MTMR4: variants seen among roughly 807,000 people sequenced by gnomAD.
The protein encoded by MTMR4 is phosphatidylinositol-3,5-bisphosphate 3-phosphatase MTMR4.
A neutral mutation model predicts 125.5 loss-of-function variants in MTMR4; 30 were observed. The ratio of observed to expected loss-of-function variants is 0.24; its 90% CI spans 0.18 to 0.32. The LOEUF (loss-of-function observed/expected upper bound fraction) is 0.32, where lower values mean the gene tolerates loss of function less well. MTMR4 is among the 10% of genes least tolerant of loss of function. MTMR4 has a pLI of 1.00. For missense variants in MTMR4, 1,039 were observed against 1,511.5 expected, an observed-to-expected ratio of 0.69 and a Z score of 5.18; for synonymous variants, 498 against 564.5, an observed-to-expected ratio of 0.88 and a Z score of 1.67.
At chr17:58,493,723 A>G (rs548035143) in intron 15 of MTMR4, among the ~76,000 whole-genome samples, 1 of 152,100 alleles carries the variant, frequency 6.6e-6, no homozygotes, top group Admixed American at 6.5e-5. Context: ...AAAACCTAAA[A>G]TAGTTATTAT....
rs955954489 is a variant in MTMR4 at position 58,512,589 on chromosome 17, C to G, written c.136-83G>C. On this transcript the variant is annotated intron_variant, in intron 2 of 17. Transcript: ENST00000682306. The surrounding 1 kb of genome is among the most constrained non-coding windows in gnomAD (Gnocchi z 4.1). Reference sequence around the variant, plus strand: ...TACAGCCCCTGATCTGTGGGATCCCCTCTGGAAAAGGTGGGCCAAGGCAAG... The same window carrying G: ...TACAGCCCCTGATCTGTGGGATCCCGTCTGGAAAAGGTGGGCCAAGGCAAG... The G allele has an allele frequency of 8.2e-7, 1 of 1,214,578 alleles. No individual in the cohort carries two copies. Among genetic ancestry groups the G allele is most frequent in the Non-Finnish European group, 1.2e-6 (1 of 828,174 alleles). 75.2% of individuals were successfully genotyped at this position (1,214,578 alleles called of 1,614,324 possible).
intron 14 of MTMR4, 75 bp from the exon 15 acceptor site, chr17:58,496,405 G>A (rs1393927889): frequency 8.1e-7 from 1 of 1,237,118 alleles, no homozygotes; most frequent in African/African-American, 1.5e-5. Flanking sequence ...TGAATCAATG[G>A]AGCAATATCA....
chr17:58,504,063 G>C lies in MTMR4; in HGVS notation c.1685C>G (p.Pro562Arg), dbSNP rs202033420. 5 of 1,563,172 alleles carry C rather than the reference G, an allele frequency of 3.2e-6. No individual in the cohort carries two copies. The highest frequency in any genetic ancestry group is 3.8e-5 in the Admixed American group (2 of 52,066). Residue 562 changes from proline to arginine, a missense_variant, in exon 13 of 18, where the codon CCC becomes CGC. By Grantham distance (103) the Pro-to-Arg change is moderately radical (BLOSUM62 -2). Around this residue, in one of 6 missense-constraint regions of MTMR4, gnomAD observed 619 missense variants for 714.5 expected, o/e 0.87. Transcript: ENST00000682306. The surrounding 1 kb of genome is among the most constrained non-coding windows in gnomAD (Gnocchi z 7.1). ...GCTCAGACTCACCATGTCTGAGCTG[G>C]GTGTGTAGAGGAAGTTATGAAAGTT... ...NKNFHNFLYT[P>R]SSDMVLHPVC...
rs1389887823 is a variant in MTMR4 at position 58,504,028 on chromosome 17, C to T, written c.1698+22G>A. 5.2e-6 allele frequency: 8 copies of T among 1,534,294 alleles called. No homozygotes were observed. Among genetic ancestry groups the T allele is most frequent in the South Asian group, 5.2e-5 (4 of 77,562 alleles). ...CCTATAGGTTTCTAAATAGCACCTA[C>T]AGGAAAAGGGCTCAGACTCACCATG... is the stretch of plus-strand genomic sequence containing the variant. On this transcript the variant is annotated intron_variant, in intron 13 of 17. Coordinates refer to ENST00000682306, the MANE Select transcript of MTMR4 (RefSeq NM_001378067.1). This position sits in a 1 kb window ranked among gnomAD's most constrained non-coding sequence, Gnocchi z 7.1.
Position 58,508,414 on chromosome 17 carries a change from C to A in MTMR4, c.593+54G>T, listed in dbSNP as rs1489648339. ...AGAAGCTGTGCCCACCACACTTTATCCAAACACGGAAGTAGTTTGGTGTGG... is the reference window on the plus strand; with the variant it reads ...AGAAGCTGTGCCCACCACACTTTATACAAACACGGAAGTAGTTTGGTGTGG... On this transcript the variant is annotated intron_variant, in intron 6 of 17. Transcript: ENST00000682306. The surrounding 1 kb of genome is among the most constrained non-coding windows in gnomAD (Gnocchi z 4.8). The A allele has an allele frequency of 3.1e-6, 5 of 1,594,602 alleles. No individual in the cohort carries two copies. The highest frequency in any genetic ancestry group is 3.3e-5 in the Admixed American group (2 of 59,954).
At chr17:58,511,172 G>A (rs1409504853) in intron 4 of MTMR4, 2 of 340,262 alleles carry the variant, frequency 5.9e-6, no homozygotes, top group East Asian at 4.9e-5. Context: ...TGTCCTCGGT[G>A]CTTTCATACA....
chr17:58,496,237 G>A lies in MTMR4; in HGVS notation c.1947C>T (p.Asn649=). 1.9e-6 allele frequency: 3 copies of A among 1,614,154 alleles called. No individual in the cohort carries two copies. Among genetic ancestry groups the A allele is most frequent in the Non-Finnish European group, 2.5e-6 (3 of 1,180,034 alleles). Residue 649 remains asparagine, a synonymous_variant, in exon 15 of 18, where the codon AAC becomes AAT. Coordinates refer to ENST00000682306, the MANE Select transcript of MTMR4 (RefSeq NM_001378067.1). ...TRTSSDPNLN[N]HCQEVRVGLE... ...GGCCTACCCTGACCTCCTGACAGTG[G>A]TTATTCAGGTTAGGGTCACTGGATG...
upstream of MTMR4, among the ~76,000 whole-genome samples, chr17:58,515,849 A>G (rs747900425): frequency 3.3e-5 from 5 of 152,210 alleles, no homozygotes; most frequent in Non-Finnish European, 5.9e-5. Context: ...AGCACAAGGG[A>G]CACCTAAAAG....
intron 9 of MTMR4, 64 bp downstream of exon 9, chr17:58,506,679 C>G (rs570914847): frequency 1.9e-6 from 3 of 1,586,114 alleles, no homozygotes; most frequent in Non-Finnish European, 2.6e-6. Context: ...TGGCCCCCAA[C>G]CCCCTCCTCA....
chr17:58,501,054 T>C (rs925916048), intron 14 of MTMR4, among the ~76,000 whole-genome samples: 1 of 152,014 alleles, frequency 6.6e-6, no homozygotes, highest in Non-Finnish European at 1.5e-5. Context: ...TTCTGCATAG[T>C]TTGGGGAAGG....
intron 14 of MTMR4, among the ~76,000 whole-genome samples, chr17:58,499,528 C>T (rs920146936): frequency 2.0e-5 from 3 of 152,002 alleles, no homozygotes; most frequent in Non-Finnish European, 4.4e-5. Context: ...GGCAATGGAG[C>T]GAGAAAACCC....
Position 58,504,155 on chromosome 17 carries a change from C to T in MTMR4, c.1593G>A (p.Glu531=), listed in dbSNP as rs113459554. ...YGTFLANNPC[E]REKRNIYKRT... ...GCTTGTAGATGTTGCGCTTCTCTCG[C>T]TCACAGGGGTTGTTGGCCAGGAAGG... The change falls in exon 13 of 18, where the codon GAG becomes GAA. Residue 531 remains glutamate (E), a synonymous_variant. Transcript: ENST00000682306. This position sits in a 1 kb window ranked among gnomAD's most constrained non-coding sequence, Gnocchi z 7.1. The T allele has an allele frequency of 6.2e-7, 1 of 1,612,820 alleles. No homozygotes were observed. Among genetic ancestry groups the T allele is most frequent in the African/African-American group, 1.3e-5 (1 of 74,966 alleles).
rs370169227 is a variant in MTMR4, at chr17:58,504,254, T to A, written c.1528-34A>T. On this transcript the variant is annotated intron_variant, in intron 12 of 17. Transcript: ENST00000682306. This position sits in a 1 kb window ranked among gnomAD's most constrained non-coding sequence, Gnocchi z 7.1. ...CAGAGAGAGCTTGCACCTGGGGGCC[T>A]CGGGCTGTCATTCCCCCCATCCCTG... 6 of 1,603,500 alleles carry A rather than the reference T, an allele frequency of 3.7e-6. No individual in the cohort carries two copies. The African/African-American group carries it at 8.0e-5, about 21-fold the overall frequency.
Position 58,512,758 on chromosome 17 carries a change from G to C in MTMR4, c.135+94C>G. On this transcript the variant is annotated intron_variant, in intron 2 of 17. Coordinates refer to ENST00000682306, the MANE Select transcript of MTMR4 (RefSeq NM_001378067.1). This position sits in a 1 kb window ranked among gnomAD's most constrained non-coding sequence, Gnocchi z 4.1. The stretch of plus-strand genomic sequence containing the variant: ...CAGGGAACATGAAGCCAGAGCTCTG[G>C]TACCAGATGCCCTTGAGGATTTTTG... 2 of 1,101,486 alleles carry C rather than the reference G, an allele frequency of 1.8e-6. No individual in the cohort carries two copies. The highest frequency in any genetic ancestry group is 2.7e-6 in the Non-Finnish European group (2 of 732,262). The allele number at this position is 1,101,486 out of a possible 1,614,324, so 68.2% of individuals were successfully genotyped here.
Position 58,508,968 on chromosome 17 carries a change from G to T in MTMR4, c.336-127C>A. On this transcript the variant is annotated intron_variant, in intron 4 of 17. Coordinates refer to ENST00000682306, the MANE Select transcript of MTMR4 (RefSeq NM_001378067.1). The surrounding 1 kb of genome is among the most constrained non-coding windows in gnomAD (Gnocchi z 4.8). The stretch of plus-strand genomic sequence containing the variant: ...AGGCTGCAAAGCAAGAGGTAAAGCA[G>T]TGGGGACCCAGGGTGGGGGGACGAG... 3 of 1,053,166 alleles carry T rather than the reference G, an allele frequency of 2.8e-6. No homozygotes were observed. The highest frequency in any genetic ancestry group is 4.1e-6 in the Non-Finnish European group (3 of 734,876). 65.2% of individuals were successfully genotyped at this position (1,053,166 alleles called of 1,614,324 possible).
At position 58,503,882 on chromosome 17, in the gene MTMR4, C is replaced by A; in HGVS notation, c.1715G>T (p.Cys572Phe). The A allele has an allele frequency of 5.0e-6, 8 of 1,613,932 alleles. No individual in the cohort carries two copies. Among genetic ancestry groups the A allele is most frequent in the Non-Finnish European group, 6.8e-6 (8 of 1,179,940 alleles). ...PSSDMVLHPV[C>F]HVRALHLWTA... is the part of the protein sequence containing the mutation. The stretch of plus-strand genomic sequence containing the variant: ...CCAGAGGTGCAGGGCCCGGACATGA[C>A]AAACAGGATGCAGGACCTAGGGAAG... Residue 572 changes from cysteine (C) to phenylalanine (F), a missense_variant, in exon 14 of 18, where the codon TGT becomes TTT. Coordinates refer to ENST00000682306, the MANE Select transcript of MTMR4 (RefSeq NM_001378067.1).
Position 58,504,004 on chromosome 17 carries a change from C to G in MTMR4, c.1698+46G>C, listed in dbSNP as rs758833790. On this transcript the variant is annotated intron_variant, in intron 13 of 17. Transcript: ENST00000682306. This position sits in a 1 kb window ranked among gnomAD's most constrained non-coding sequence, Gnocchi z 7.1. ...TCCCTACTGACTCAGCTGCTTCTCC[C>G]TATAGGTTTCTAAATAGCACCTACA... 2 of 1,539,254 alleles carry G rather than the reference C, an allele frequency of 1.3e-6. No individual in the cohort carries two copies. The highest frequency in any genetic ancestry group is 4.5e-5 in the East Asian group (2 of 44,272).
intron 15 of MTMR4, among the ~76,000 whole-genome samples, chr17:58,494,552 T>C (rs1975401116): frequency 6.6e-6 from 1 of 152,226 alleles, no homozygotes; most frequent in Non-Finnish European, 1.5e-5. Context: ...TGCATGCATG[T>C]ACACATATAT....
Position 58,504,506 on chromosome 17 carries a change from G to A in MTMR4, c.1342-18C>T, listed in dbSNP as rs1377879099. ...TGGAAGCCCTGCAAAAAAAGAAACT[G>A]TTCAAACATAGGGCCTCTCTGGAAA... On this transcript the variant is annotated intron_variant, in intron 11 of 17. Transcript: ENST00000682306. The surrounding 1 kb of genome is among the most constrained non-coding windows in gnomAD (Gnocchi z 7.1). 3 of 1,608,050 alleles carry A rather than the reference G, an allele frequency of 1.9e-6. No homozygotes were observed. The highest frequency in any genetic ancestry group is 4.5e-5 in the East Asian group (2 of 44,746).
Sources: allele counts gnomAD v4.1 joint callset (sites outside exome capture counted in the v4.1 genomes callset), GRCh38; gene constraint gnomAD v4.1.1; regional missense constraint gnomAD v4.1.1; non-coding constraint Gnocchi (gnomAD v3.1); transcripts MANE v1.5; gene names NCBI Gene and HGNC (gene_info 2026-07-23, HGNC 2026-07-21).